Variants in CALN1 observed in about 807,000 individuals in gnomAD.
CALN1 encodes calcium-binding protein 8.
CALN1 carries 17 observed loss-of-function variants against 30.6 expected under a neutral mutation model. The ratio of observed to expected loss-of-function variants is 0.56; its 90% CI spans 0.38 to 0.83. The LOEUF is 0.83. Ranked by LOEUF, CALN1 falls within the 40% of genes least tolerant of loss-of-function variation. The pLI, the probability that CALN1 is intolerant of heterozygous loss-of-function variation, is 0.00. For missense variants in CALN1, 291 were observed against 354.9 expected, an observed-to-expected ratio of 0.82 and a Z score of 1.45; for synonymous variants, 156 against 131.4, an observed-to-expected ratio of 1.19 and a Z score of -1.28.
intron 6 of CALN1, among the ~76,000 whole-genome samples, chr7:71,799,009 C>T (rs1412494946): frequency 3.3e-5 from 5 of 152,058 alleles, no homozygotes; most frequent in Admixed American, 1.3e-4. Flanking sequence ...AAGGCTCCCA[C>T]CCCCTGCATT....
chr7:72,358,409 A>G (rs1803366556), intron 2 of CALN1, among the ~76,000 whole-genome samples: 1 of 150,582 alleles, frequency 6.6e-6, no homozygotes, highest in African/African-American at 2.5e-5. Flanking sequence ...AAGGACTGTT[A>G]GATACAATCC....
chr7:72,475,283 G>A, the CALN1 span, among the ~76,000 whole-genome samples: 1 of 151,998 alleles, frequency 6.6e-6, no homozygotes, highest in Admixed American at 6.6e-5. Flanking sequence ...GTGAAACCTC[G>A]ACTCTACTAA....
chr7:72,246,605 G>A (rs780019599), intron 3 of CALN1, among the ~76,000 whole-genome samples: 7 of 152,080 alleles, frequency 4.6e-5, no homozygotes, highest in Non-Finnish European at 1.5e-5. Flanking sequence ...AAAAAAAGGA[G>A]AATACTACTA....
chr7:72,263,293 T>C (rs1468127342), intron 3 of CALN1, among the ~76,000 whole-genome samples: 2 of 152,232 alleles, frequency 1.3e-5, no homozygotes, highest in South Asian at 2.1e-4. Flanking sequence ...ATAAAGTATA[T>C]ATTATTATCC....
intron 3 of CALN1, among the ~76,000 whole-genome samples, chr7:72,260,348 AAACTT>A (rs1019448004): frequency 9.8e-5 from 15 of 152,292 alleles, no homozygotes; most frequent in African/African-American, 3.4e-4. Flanking sequence ...CCATATGACA[AAACTT>A]ACAGATCTGT....
intron 5 of CALN1, among the ~76,000 whole-genome samples, chr7:71,920,577 C>T (rs182780654): frequency 8.5e-5 from 13 of 152,066 alleles, no homozygotes; most frequent in South Asian, 2.1e-4. Flanking sequence ...CCTCGTGATC[C>T]GACTGCCTCA....
At chr7:72,327,885 T>C (rs1364242385) in intron 2 of CALN1, among the ~76,000 whole-genome samples, 3 of 152,202 alleles carry the variant, frequency 2.0e-5, no homozygotes, top group African/African-American at 4.8e-5. Flanking sequence ...AAAAAGGTCA[T>C]CTTGGTTTCA....
At chr7:72,294,917 A>G (rs6460712) in intron 2 of CALN1, among the ~76,000 whole-genome samples, 150,549 of 152,252 alleles carry the variant, frequency 0.99, 74,451 homozygotes, top group Middle Eastern at 1. Context: ...TAATGTGTGC[A>G]TTTCTGAGTG....
chr7:72,314,095 C>T lies in CALN1; in HGVS notation c.120-35285G>A, dbSNP rs1460313065. 2.0e-5 allele frequency among the ~76,000 whole-genome samples: 3 copies of T among 152,104 alleles called. No homozygotes were observed. In the South Asian group the frequency reaches 6.2e-4, roughly 32 times the overall value. ...GCAATGAATAAGAGGACACACCAGG[C>T]CCAGCACAGGGCTGGAGTGAGGTGT... On this transcript the variant is annotated intron_variant, in intron 2 of 6. Transcript: ENST00000395275.
At chr7:71,828,134 C>T (rs908968382) in intron 5 of CALN1, among the ~76,000 whole-genome samples, 6 of 152,120 alleles carry the variant, frequency 3.9e-5, no homozygotes, top group African/African-American at 1.4e-4. Context: ...AGGAGAAGCC[C>T]ATTAGTAGCT....
At chr7:71,869,496 G>A (rs1791795907) in intron 5 of CALN1, among the ~76,000 whole-genome samples, 1 of 152,158 alleles carries the variant, frequency 6.6e-6, no homozygotes, top group Admixed American at 6.5e-5. Flanking sequence ...ACAGGCTTGA[G>A]CCACCGTGCC....
chr7:72,074,441 T>C (rs954711130), intron 4 of CALN1, among the ~76,000 whole-genome samples: 1 of 152,166 alleles, frequency 6.6e-6, no homozygotes, highest in African/African-American at 2.4e-5. Flanking sequence ...AGGGTCTCGC[T>C]CTGTCAACCA....
At chr7:71,846,570 A>C (rs1174001063) in intron 5 of CALN1, among the ~76,000 whole-genome samples, 1 of 151,926 alleles carries the variant, frequency 6.6e-6, no homozygotes, top group Non-Finnish European at 1.5e-5. Flanking sequence ...ATATGCATAT[A>C]TATCAAGCTT....
intron 4 of CALN1, among the ~76,000 whole-genome samples, chr7:72,076,611 C>CAAAAA (rs572245834): frequency 4.9e-4 from 3 of 6,120 alleles, no homozygotes; most frequent in Non-Finnish European, 6.4e-4. Flanking sequence ...AAAAAAAAAG[C>CAAAAA]AAAAAAAAAA....
chr7:72,376,689 T>G (rs1804578090), intron 2 of CALN1, among the ~76,000 whole-genome samples: 1 of 152,252 alleles, frequency 6.6e-6, no homozygotes, highest in Non-Finnish European at 1.5e-5. Flanking sequence ...TGTCATTTGA[T>G]TCACATACGT....
chr7:72,499,090 G>T, the CALN1 span, among the ~76,000 whole-genome samples: 1 of 152,078 alleles, frequency 6.6e-6, no homozygotes, highest in Non-Finnish European at 1.5e-5. Context: ...GAGTGCAGTG[G>T]TGCAATCTCA....
chr7:71,978,072 G>A (rs17137604), intron 5 of CALN1, among the ~76,000 whole-genome samples: 19,511 of 151,170 alleles, frequency 0.13, 1,633 homozygotes, highest in East Asian at 0.37. Flanking sequence ...GTAGGCTCAA[G>A]ATCTGCATTC....
intron 2 of CALN1, among the ~76,000 whole-genome samples, chr7:72,283,573 C>G (rs562622706): frequency 1.3e-5 from 2 of 152,182 alleles, no homozygotes; most frequent in South Asian, 4.1e-4. Context: ...TACTTAGCAC[C>G]AGGCATCTGC....
intron 3 of CALN1, among the ~76,000 whole-genome samples, chr7:72,136,803 C>T (rs1434736709): frequency 6.6e-6 from 1 of 152,034 alleles, no homozygotes; most frequent in Non-Finnish European, 1.5e-5. Flanking sequence ...AATAGGGATC[C>T]CCAAGGAGAG....
Sources: gnomAD v4.1 joint callset for allele counts (sites outside exome capture counted in the v4.1 genomes callset) on GRCh38, gnomAD v4.1.1 for gene constraint, MANE v1.5 for transcripts, NCBI Gene and HGNC (gene_info 2026-07-23, HGNC 2026-07-21) for gene names.